COL6A6: variants seen among roughly 807,000 people sequenced by gnomAD.
COL6A6 encodes collagen alpha-6(VI) chain.
A neutral mutation model predicts 208.6 loss-of-function variants in COL6A6; 183 were observed. The ratio of observed to expected loss-of-function variants is 0.88; its 90% CI spans 0.78 to 0.99. COL6A6 has a LOEUF of 0.99. COL6A6 is among the 50% of genes least tolerant of loss of function. The probability of loss-of-function intolerance (pLI) is 0.00; values close to 1 mark genes in which losing one functional copy is unlikely to be tolerated. For synonymous variants in COL6A6, 973 were observed against 1,011.8 expected (o/e 0.96, Z 0.73); for missense variants, 2,816 against 2,815.2 (o/e 1.00, Z -0.01).
At chr3:130,595,392 G>A (rs1189726001) in intron 18 of COL6A6, among the ~76,000 whole-genome samples, 1 of 152,158 alleles carries the variant, frequency 6.6e-6, no homozygotes, top group Non-Finnish European at 1.5e-5. Context: ...TAATGAATGT[G>A]AATACACCTG....
At chr3:130,600,556 T>C (rs1206182922) in intron 20 of COL6A6, among the ~76,000 whole-genome samples, 1 of 152,192 alleles carries the variant, frequency 6.6e-6, no homozygotes, top group East Asian at 1.9e-4. Flanking sequence ...TGAGATCATG[T>C]CCTTTGCAGG....
At chr3:130,606,817 C>G (rs1455420772) in intron 20 of COL6A6, 114 bp from the exon 21 acceptor site, 1 of 703,644 alleles carries the variant, frequency 1.4e-6, no homozygotes, top group Non-Finnish European at 2.3e-6. Flanking sequence ...GTTGTAAGCA[C>G]TATGTGGGAA....
At chr3:130,520,125 C>A (rs193151731) in intron 1 of COL6A6, among the ~76,000 whole-genome samples, 97 of 152,088 alleles carry the variant, frequency 6.4e-4, no homozygotes, top group African/African-American at 2.2e-3. Flanking sequence ...GAGACTTTTC[C>A]GTGAGGGTCA....
chr3:130,574,830 G>A (rs1321526566), intron 8 of COL6A6, among the ~76,000 whole-genome samples: 1 of 152,190 alleles, frequency 6.6e-6, no homozygotes, highest in African/African-American at 2.4e-5. Flanking sequence ...GGTTTCAGAG[G>A]TTGAAGAGCA....
intron 1 of COL6A6, among the ~76,000 whole-genome samples, chr3:130,538,966 A>T (rs4682616): frequency 0.68 from 102,896 of 152,154 alleles, 38,991 homozygotes; most frequent in Non-Finnish European, 0.85. Flanking sequence ...AGTAAGTTAA[A>T]TTATTACTGA....
chr3:130,608,307 AG>A (rs2064246390), intron 21 of COL6A6, among the ~76,000 whole-genome samples: 1 of 152,210 alleles, frequency 6.6e-6, no homozygotes, highest in Admixed American at 6.5e-5. Context: ...TCTGATTTCT[AG>A]GAAAAGGTAT....
Position 130,584,970 on chromosome 3 carries a change from C to G in COL6A6, c.3971-1536C>G, listed in dbSNP as rs150236771. Among the ~76,000 whole-genome samples, 1,509 of 152,282 alleles carry G rather than the reference C, an allele frequency of 9.9e-3. 7 individuals are homozygous for G. Among genetic ancestry groups the G allele is most frequent in the African/African-American group, 0.022 (905 of 41,540 alleles). ...TGTTTGCCTCTCTTGGAACTTGAAC[C>G]TCTCCAATATGTCCCTGAAACTTCA... On this transcript the variant is annotated intron_variant, in intron 10 of 36. Transcript: ENST00000358511.
intron 10 of COL6A6, among the ~76,000 whole-genome samples, chr3:130,585,294 G>A (rs1381083606): frequency 1.3e-5 from 2 of 152,116 alleles, no homozygotes; most frequent in Admixed American, 1.3e-4. Flanking sequence ...GTAGGCTATG[G>A]AATTAGGCTA....
Position 130,570,863 on chromosome 3 carries a change from G to C in COL6A6, c.2447G>C (p.Ser816Thr), listed in dbSNP as rs761718401. 5 of 1,613,732 alleles carry C rather than the reference G, an allele frequency of 3.1e-6. No homozygotes were observed. The African/African-American group carries it at 5.3e-5, about 17-fold the overall frequency. The change falls in exon 7 of 37, where the codon AGC becomes ACC. Residue 816 changes from serine (S) to threonine (T), a missense_variant. Coordinates refer to ENST00000358511, the MANE Select transcript of COL6A6 (RefSeq NM_001102608.3). ...TTAGACGTTGTGTTTGTCATTGATA[G>C]CTCTGGCAGTATTGACTATGATGAG... is the stretch of plus-strand genomic sequence containing the variant. ...EVLDVVFVIDSSGSIDYDEYN... is the reference protein window; with the variant it reads ...EVLDVVFVIDTSGSIDYDEYN...
chr3:130,635,843 T>C, intron 28 of COL6A6, 82 bp downstream of exon 28: 1 of 1,070,104 alleles, frequency 9.3e-7, no homozygotes, highest in Non-Finnish European at 1.4e-6. Context: ...ATTTGAGTTG[T>C]CTTTTGTTAC....
chr3:130,520,915 T>C (rs1441098354), intron 1 of COL6A6, among the ~76,000 whole-genome samples: 2 of 152,206 alleles, frequency 1.3e-5, no homozygotes, highest in Non-Finnish European at 2.9e-5. Context: ...TCTAAGGAGA[T>C]GTACTCATTT....
rs1559812275 is a variant in COL6A6 at position 130,675,270 on chromosome 3, A to AT, written c.6666dup (p.Lys2223Ter). The stretch of plus-strand genomic sequence containing the variant: ...TTACAGAAGGCAAAATTCTTTCAAG[A>AT]TAAAAAATATCTTTCAAGAGTAGCA... On this transcript the variant is annotated frameshift_variant, in exon 37 of 37. Coordinates refer to ENST00000358511, the MANE Select transcript of COL6A6 (RefSeq NM_001102608.3). LOFTEE classifies it low-confidence loss of function (END_TRUNC). The AT allele has an allele frequency of 6.3e-7, 1 of 1,585,998 alleles. No individual in the cohort carries two copies. The highest frequency in any genetic ancestry group is 2.3e-5 in the East Asian group (1 of 44,124).
At chr3:130,542,879 G>T (rs1577651566) in intron 1 of COL6A6, among the ~76,000 whole-genome samples, 1 of 137,116 alleles carries the variant, frequency 7.3e-6, no homozygotes, top group African/African-American at 2.8e-5. Context: ...CATAGTACAT[G>T]TTTCTCCATC....
chr3:130,586,795 G>A (rs1361501351), intron 11 of COL6A6, 135 bp downstream of exon 11: 8 of 766,564 alleles, frequency 1.0e-5, no homozygotes, highest in Non-Finnish European at 1.6e-5. Context: ...TTAGTGAACA[G>A]CCTAAGTAAG....
intron 32 of COL6A6, 28 bp downstream of exon 32, chr3:130,645,030 T>C (rs1319201679): frequency 6.2e-7 from 1 of 1,604,848 alleles, no homozygotes; most frequent in South Asian, 1.1e-5. Flanking sequence ...ACAGCATGCT[T>C]TAATCAAGCT....
chr3:130,598,274 C>A, intron 18 of COL6A6, 91 bp from the exon 19 acceptor site: 1 of 837,214 alleles, frequency 1.2e-6, no homozygotes, highest in Non-Finnish European at 1.9e-6. Flanking sequence ...TTGTCAACTT[C>A]TCGAGAGTTA....
At chr3:130,552,266 A>G (rs539664408) in intron 1 of COL6A6, among the ~76,000 whole-genome samples, 4 of 152,268 alleles carry the variant, frequency 2.6e-5, no homozygotes, top group Admixed American at 1.3e-4. Flanking sequence ...TTGCGTGGCT[A>G]TCTAAATCTC....
At chr3:130,662,403 CTT>C (rs2065961302) in intron 35 of COL6A6, 95 bp downstream of exon 35, 1 of 1,225,660 alleles carries the variant, frequency 8.2e-7, no homozygotes. Context: ...TTGGAAACCT[CTT>C]GTCTGTCTTC....
chr3:130,610,193 A>C (rs2064313343), intron 22 of COL6A6, among the ~76,000 whole-genome samples: 1 of 152,216 alleles, frequency 6.6e-6, no homozygotes, highest in South Asian at 2.1e-4. Context: ...GCTAATAGGC[A>C]GTATAATATT....
Sources: allele counts gnomAD v4.1 joint callset (sites outside exome capture counted in the v4.1 genomes callset), GRCh38; gene constraint gnomAD v4.1.1; transcripts MANE v1.5; gene names NCBI Gene and HGNC (gene_info 2026-07-23, HGNC 2026-07-21).